The following SLC7A11 variants were observed in gnomAD, a reference collection of about 807,000 sequenced individuals.
SLC7A11 encodes the protein solute carrier family 7 member 11, also known as cystine/glutamate transporter.
Under a neutral mutation model 54.5 loss-of-function variants are expected in SLC7A11, and 35 were observed. The observed-to-expected ratio is 0.64, with a 90% CI of 0.49 to 0.85. The LOEUF (loss-of-function observed/expected upper bound fraction) is 0.85. Among genes scored for constraint, SLC7A11 ranks in the 40% least tolerant of loss-of-function variants. The pLI, the probability that SLC7A11 is intolerant of heterozygous loss-of-function variation, is 0.00. For missense variants in SLC7A11, 583 were observed against 618.1 expected, an observed-to-expected ratio of 0.94 and a Z score of 0.60; for synonymous variants, 230 against 225.2, an observed-to-expected ratio of 1.02 and a Z score of -0.19.
intron 6 of SLC7A11, 138 bp from the exon 7 acceptor site, chr4:138,185,382 C>T: frequency 4.1e-6 from 4 of 987,232 alleles, no homozygotes; most frequent in Non-Finnish European, 6.0e-6. Context: ...TATGTATAAA[C>T]ATTTCATCAG....
chr4:138,194,563 G>A (rs897389895), intron 6 of SLC7A11, among the ~76,000 whole-genome samples: 3 of 152,040 alleles, frequency 2.0e-5, no homozygotes, highest in African/African-American at 4.8e-5. Flanking sequence ...ATTTCTCTTT[G>A]CTTCCATCAT....
chr4:138,207,083 A>G (rs1737428528), intron 6 of SLC7A11, among the ~76,000 whole-genome samples: 1 of 151,394 alleles, frequency 6.6e-6, no homozygotes, highest in Admixed American at 6.6e-5. Context: ...ACATTTTAAG[A>G]TAATTCTAAT....
chr4:138,212,701 C>A (rs1737580404), intron 6 of SLC7A11, among the ~76,000 whole-genome samples: 1 of 151,782 alleles, frequency 6.6e-6, no homozygotes, highest in Non-Finnish European at 1.5e-5. Flanking sequence ...GCATAACTAG[C>A]TTCAAGATAT....
intron 6 of SLC7A11, 24 bp from the exon 7 acceptor site, chr4:138,185,268 TATTC>T (rs1235791112): frequency 6.2e-7 from 1 of 1,609,440 alleles, no homozygotes; most frequent in Non-Finnish European, 8.5e-7. Flanking sequence ...AGGAATCACT[TATTC>T]ATTATCTTTT....
Position 138,180,712 on chromosome 4 carries a change from A to G in SLC7A11, c.1195T>C (p.Phe399Leu), listed in dbSNP as rs769386630. ...AGCCCAGCAACTGCCAGCCCAATAAAAAGCCACCTGGCAAAACTGAGGAAA... is the reference window on the plus strand; with the variant it reads ...AGCCCAGCAACTGCCAGCCCAATAAGAAGCCACCTGGCAAAACTGAGGAAA... ...LNFLSFARWLFIGLAVAGLIY... is the reference protein window; with the variant it reads ...LNFLSFARWLLIGLAVAGLIY... The change falls in exon 10 of 12, where the codon TTT (phenylalanine) becomes CTT (leucine). Residue 399 changes from phenylalanine (F) to leucine (L), a missense_variant. By Grantham distance (22) the Phe-to-Leu change is conservative. Coordinates refer to ENST00000280612, the MANE Select transcript of SLC7A11 (RefSeq NM_014331.4). 4 of 1,612,970 alleles carry G rather than the reference A, an allele frequency of 2.5e-6. No homozygotes were observed. Among genetic ancestry groups the G allele is most frequent in the South Asian group, 2.2e-5 (2 of 91,062 alleles).
At chr4:138,233,142 G>A (rs1738121138) in intron 2 of SLC7A11, among the ~76,000 whole-genome samples, 2 of 150,670 alleles carry the variant, frequency 1.3e-5, no homozygotes, top group African/African-American at 4.9e-5. Context: ...ATATATGAAT[G>A]CATATTTTTT....
At chr4:138,233,527 C>T (rs893466070) in intron 2 of SLC7A11, among the ~76,000 whole-genome samples, 2 of 152,058 alleles carry the variant, frequency 1.3e-5, no homozygotes, top group Non-Finnish European at 1.5e-5. Context: ...TTTAGCTTCT[C>T]TTTCTTCTCG....
rs1736267607 is a variant in SLC7A11, at chr4:138,166,652, T to C, written c.*5304A>G. ...AATGCTCTACAGTTTTGTGAGAGAA[T>C]TGTTAACTGTAAAGCTGTAAAGGCG... On this transcript the variant is annotated 3_prime_UTR_variant, in exon 12 of 12. Coordinates refer to ENST00000280612, the MANE Select transcript of SLC7A11 (RefSeq NM_014331.4). The C allele has an allele frequency of 1.3e-5, 2 of 152,626 alleles. No homozygotes were observed. The highest frequency in any genetic ancestry group is 6.5e-5 in the Admixed American group (1 of 15,274). 9.5% of individuals were successfully genotyped at this position (152,626 alleles called of 1,614,324 possible). A position where few individuals can be genotyped will look rare whatever the true frequency, so the allele number is the denominator to read the frequency against.
intron 3 of SLC7A11, among the ~76,000 whole-genome samples, chr4:138,225,189 T>C (rs935118134): frequency 7.0e-6 from 1 of 141,910 alleles, no homozygotes; most frequent in Non-Finnish European, 1.5e-5. Flanking sequence ...ATCATTACAT[T>C]GTACACCCTA....
intron 1 of SLC7A11, 125 bp from the exon 2 acceptor site, chr4:138,236,576 A>G: frequency 1.2e-6 from 1 of 855,842 alleles, no homozygotes; most frequent in Non-Finnish European, 1.8e-6. Flanking sequence ...TCTGAATGGC[A>G]TCCTTACTCA....
At chr4:138,230,316 T>C (rs1201523776) in intron 3 of SLC7A11, among the ~76,000 whole-genome samples, 2 of 151,344 alleles carry the variant, frequency 1.3e-5, no homozygotes, top group African/African-American at 4.9e-5. Context: ...CCAGGTTTAG[T>C]ACCTGGGTGA....
rs1475269050 is a variant in SLC7A11, at chr4:138,169,847, T to C, written c.*2109A>G. 1 of 151,998 alleles carries C rather than the reference T, an allele frequency of 6.6e-6. No homozygotes were observed. The highest frequency in any genetic ancestry group is 1.5e-5 in the Non-Finnish European group (1 of 68,006). The allele number at this position is 151,998 out of a possible 1,614,324, so 9.4% of individuals were successfully genotyped here. ...ATTATAAATCAAATTTTGAAAACCC[T>C]ATGCTAAGGAAGGAAGGAGTTATTA... is the stretch of plus-strand genomic sequence containing the variant. On this transcript the variant is annotated 3_prime_UTR_variant, in exon 12 of 12. Coordinates refer to ENST00000280612, the MANE Select transcript of SLC7A11 (RefSeq NM_014331.4).
chr4:138,195,604 C>T (rs1256235864), intron 6 of SLC7A11, among the ~76,000 whole-genome samples: 2 of 152,160 alleles, frequency 1.3e-5, no homozygotes, highest in Non-Finnish European at 2.9e-5. Context: ...AGTCTCCCTC[C>T]TCAGGGAAAC....
At position 138,192,188 on chromosome 4, in the gene SLC7A11, G is replaced by A. The variant is rs142201396; in HGVS notation, c.792-6944C>T. ...TCTGTTTTCTCTTTCCAAAGTATAA[G>A]TTATTTATGAGAAGCAGCTACCAAA... On this transcript the variant is annotated intron_variant, in intron 6 of 11. Transcript: ENST00000280612. Among the ~76,000 whole-genome samples, 242 of 152,252 alleles carry A rather than the reference G, an allele frequency of 1.6e-3. 2 individuals carry two copies. The highest frequency in any genetic ancestry group is 6.8e-3 in the Middle Eastern group (2 of 294).
At chr4:138,215,137 C>A (rs1351938000) in intron 5 of SLC7A11, among the ~76,000 whole-genome samples, 2 of 152,088 alleles carry the variant, frequency 1.3e-5, no homozygotes, top group Non-Finnish European at 2.9e-5. Flanking sequence ...CCGTACACTG[C>A]AGTACAAGTG....
intron 4 of SLC7A11, among the ~76,000 whole-genome samples, chr4:138,222,575 TC>T (rs1419517691): frequency 7.2e-5 from 11 of 152,320 alleles, no homozygotes; most frequent in Non-Finnish European, 1.3e-4. Context: ...CCTCTCAATT[TC>T]TTTTTTTAAA....
At chr4:138,234,996 T>C (rs139428347) in intron 2 of SLC7A11, among the ~76,000 whole-genome samples, 5 of 152,336 alleles carry the variant, frequency 3.3e-5, no homozygotes, top group African/African-American at 9.6e-5. Context: ...ACCTAAGTAG[T>C]ATATGGGTTA....
At chr4:138,222,277 G>A (rs570644396) in intron 4 of SLC7A11, among the ~76,000 whole-genome samples, 1 of 152,292 alleles carries the variant, frequency 6.6e-6, no homozygotes, top group East Asian at 1.9e-4. Flanking sequence ...TACCAACAGT[G>A]ATGATTTTAC....
chr4:138,201,030 C>T (rs183844303), intron 6 of SLC7A11, among the ~76,000 whole-genome samples: 118 of 152,148 alleles, frequency 7.8e-4, no homozygotes, highest in African/African-American at 2.6e-3. Context: ...AGAGATTCTT[C>T]GGAAGAGGTG....
Sources: allele counts gnomAD v4.1 joint callset (sites outside exome capture counted in the v4.1 genomes callset), GRCh38; gene constraint gnomAD v4.1.1; transcripts MANE v1.5; gene names NCBI Gene and HGNC (gene_info 2026-07-23, HGNC 2026-07-21).